Variants in MIPEP observed in about 807,000 individuals in gnomAD.
The protein encoded by MIPEP is mitochondrial intermediate peptidase.
Under a neutral mutation model 90.3 loss-of-function variants are expected in MIPEP, and 79 were observed. The ratio of observed to expected loss-of-function variants is 0.87; its 90% CI spans 0.73 to 1.05. MIPEP has a LOEUF of 1.05. Among genes scored for constraint, MIPEP ranks in the 50% least tolerant of loss-of-function variants. MIPEP has a pLI of 0.00. For synonymous variants in MIPEP, 334 were observed against 315.8 expected, an observed-to-expected ratio of 1.06 and a Z score of -0.61; for missense variants, 940 against 905.6, an observed-to-expected ratio of 1.04 and a Z score of -0.49.
At chr13:23,737,194 G>A (rs1952275367) in intron 18 of MIPEP, among the ~76,000 whole-genome samples, 1 of 152,206 alleles carries the variant, frequency 6.6e-6, no homozygotes, top group Non-Finnish European at 1.5e-5. Flanking sequence ...GAAGTAGAGG[G>A]CAGAGATCAG....
At chr13:23,873,400 C>T (rs1451820416) in intron 5 of MIPEP, among the ~76,000 whole-genome samples, 4 of 152,174 alleles carry the variant, frequency 2.6e-5, no homozygotes, top group South Asian at 4.1e-4. Flanking sequence ...GACTGACCAG[C>T]AGGATGGTGA....
At chr13:23,843,097 CAAAAAAAAAAA>C (rs397977292) in intron 10 of MIPEP, among the ~76,000 whole-genome samples, 10 of 53,562 alleles carry the variant, frequency 1.9e-4, no homozygotes, top group African/African-American at 4.9e-4. Flanking sequence ...CTCTCCATCT[CAAAAAAAAAAA>C]AAAAAAAAAA....
intron 1 of MIPEP, among the ~76,000 whole-genome samples, chr13:23,886,876 T>G (rs1283617539): frequency 2.0e-4 from 30 of 151,876 alleles, no homozygotes; most frequent in Non-Finnish European, 1.5e-5. Flanking sequence ...GCACAGAGCA[T>G]TTATAGATGT....
At chr13:23,745,791 G>C (rs1952376135) in intron 18 of MIPEP, among the ~76,000 whole-genome samples, 1 of 151,866 alleles carries the variant, frequency 6.6e-6, no homozygotes, top group South Asian at 2.1e-4. Flanking sequence ...AGCGAAGTGT[G>C]GTGGTGGGCG....
chr13:23,833,024 T>G (rs1385805320), intron 14 of MIPEP, among the ~76,000 whole-genome samples: 5 of 152,186 alleles, frequency 3.3e-5, no homozygotes, highest in Non-Finnish European at 5.9e-5. Context: ...TAGGTGTTAA[T>G]AAGTCACTGA....
chr13:23,866,792 AC>A (rs1292454829), intron 7 of MIPEP, among the ~76,000 whole-genome samples: 1 of 151,900 alleles, frequency 6.6e-6, no homozygotes, highest in Non-Finnish European at 1.5e-5. Context: ...AGAACTCCAC[AC>A]TCCATCTAAC....
At chr13:23,853,137 TTTA>T (rs1463411890) in intron 10 of MIPEP, among the ~76,000 whole-genome samples, 22 of 152,202 alleles carry the variant, frequency 1.4e-4, no homozygotes, top group African/African-American at 5.1e-4. Flanking sequence ...CAAAAGTTAA[TTTA>T]TTATTGAAGA....
Position 23,799,957 on chromosome 13 carries a change from C to T in MIPEP, c.1848+5993G>A, listed in dbSNP as rs185994902. On this transcript the variant is annotated intron_variant, in intron 16 of 18. Coordinates refer to ENST00000382172, the MANE Select transcript of MIPEP (RefSeq NM_005932.4). ...TTTTCATGTAAATACTTAGAGTGCT[C>T]AGAACTTTCTTATTCTGTTTTCAAT... 6.6e-4 allele frequency among the ~76,000 whole-genome samples: 100 copies of T among 152,268 alleles called. No homozygotes were observed. In the Middle Eastern group the frequency reaches 0.014, roughly 21 times the overall value.
chr13:23,747,681 TA>T, intron 18 of MIPEP: 3 of 388,606 alleles, frequency 7.7e-6, no homozygotes, highest in Non-Finnish European at 1.0e-5. Context: ...ATTCATGTGA[TA>T]AAAAAAATTC....
chr13:23,757,720 T>C (rs1952502515), intron 17 of MIPEP, among the ~76,000 whole-genome samples: 1 of 152,168 alleles, frequency 6.6e-6, no homozygotes, highest in East Asian at 1.9e-4. Context: ...TCTGGTACTC[T>C]GTGTCACCTG....
At chr13:23,786,063 A>T (rs1385881387) in intron 16 of MIPEP, among the ~76,000 whole-genome samples, 1 of 152,142 alleles carries the variant, frequency 6.6e-6, no homozygotes, top group Non-Finnish European at 1.5e-5. Context: ...TACAAAAAAC[A>T]GTAATAAAAA....
chr13:23,845,769 A>C (rs188112916), intron 10 of MIPEP, among the ~76,000 whole-genome samples: 1 of 152,306 alleles, frequency 6.6e-6, no homozygotes, highest in East Asian at 1.9e-4. Flanking sequence ...CACTCTCGCC[A>C]ATGTAATTCT....
chr13:23,756,578 C>T lies in MIPEP; in HGVS notation c.2011G>A (p.Gly671Ser), dbSNP rs565024827. ...ERYRREMLAH[G>S]GGREPMLMVE... ...ATGAGCATGGGCTCCCTGCCTCCACCGTGGGCCAGCATCTCCCTGCGATAG... is the reference window on the plus strand; with the variant it reads ...ATGAGCATGGGCTCCCTGCCTCCACTGTGGGCCAGCATCTCCCTGCGATAG... The change falls in exon 18 of 19, where the codon GGT (glycine) becomes AGT (serine). Residue 671 changes from glycine to serine, a missense_variant. Transcript: ENST00000382172. 8.1e-6 allele frequency: 13 copies of T among 1,613,936 alleles called. No homozygotes were observed. Among genetic ancestry groups the T allele is most frequent in the African/African-American group, 5.3e-5 (4 of 75,060 alleles).
At chr13:23,863,204 C>T (rs938545523) in intron 8 of MIPEP, among the ~76,000 whole-genome samples, 1 of 152,144 alleles carries the variant, frequency 6.6e-6, no homozygotes, top group African/African-American at 2.4e-5. Flanking sequence ...TTTTTACAAA[C>T]GGTGACTGCT....
chr13:23,864,614 T>C (rs1433351274), intron 7 of MIPEP, among the ~76,000 whole-genome samples: 3 of 151,796 alleles, frequency 2.0e-5, no homozygotes, highest in South Asian at 2.1e-4. Context: ...TGCATGCCTA[T>C]AGTCCCAGCT....
chr13:23,888,167 C>T, intron 1 of MIPEP: 1 of 417,786 alleles, frequency 2.4e-6, no homozygotes, highest in Non-Finnish European at 4.7e-6. Context: ...CAGGCTTCCC[C>T]TCACGTCTTT....
intron 16 of MIPEP, among the ~76,000 whole-genome samples, chr13:23,795,279 G>A (rs1055442176): frequency 6.6e-6 from 1 of 152,090 alleles, no homozygotes; most frequent in Non-Finnish European, 1.5e-5. Context: ...TGGAGAGAGA[G>A]CAGTAAATAT....
At chr13:23,872,869 TG>T (rs1344088756) in intron 5 of MIPEP, among the ~76,000 whole-genome samples, 4 of 152,230 alleles carry the variant, frequency 2.6e-5, no homozygotes, top group African/African-American at 9.6e-5. Flanking sequence ...ACCTTCCTTC[TG>T]AAGATATCAA....
chr13:23,756,405 T>C (rs752288365), intron 18 of MIPEP, 140 bp downstream of exon 18: 13 of 823,124 alleles, frequency 1.6e-5, no homozygotes, highest in Admixed American at 8.2e-5. Context: ...TCCACCCTCC[T>C]TGGGGCCTCC....
Sources: allele counts gnomAD v4.1 joint callset (sites outside exome capture counted in the v4.1 genomes callset), GRCh38; gene constraint gnomAD v4.1.1; transcripts MANE v1.5; gene names NCBI Gene and HGNC (gene_info 2026-07-23, HGNC 2026-07-21).